The following CEP112 variants were observed in gnomAD, a reference collection of about 807,000 sequenced individuals.
The protein encoded by CEP112 is centrosomal protein 112.
A neutral mutation model predicts 153.0 loss-of-function variants in CEP112; 127 were observed. The ratio of observed to expected loss-of-function variants is 0.83; its 90% CI spans 0.72 to 0.96. The LOEUF (loss-of-function observed/expected upper bound fraction) is 0.96. CEP112 is among the 40% of genes least tolerant of loss of function. The pLI is 0.00. For missense variants in CEP112, 1,089 were observed against 1,101.2 expected (o/e 0.99, Z 0.16); for synonymous variants, 358 against 374.4 (o/e 0.96, Z 0.51).
intron 20 of CEP112, among the ~76,000 whole-genome samples, chr17:65,868,141 TTTTA>T (rs1199318713): frequency 4.6e-5 from 7 of 152,246 alleles, no homozygotes; most frequent in East Asian, 3.9e-4. Flanking sequence ...AACTTCAGAT[TTTTA>T]TTTGTCTAAA....
At chr17:66,137,123 C>A (rs1427010023) in intron 4 of CEP112, among the ~76,000 whole-genome samples, 1 of 151,848 alleles carries the variant, frequency 6.6e-6, no homozygotes, top group Non-Finnish European at 1.5e-5. Context: ...TATGCATAAA[C>A]AAAATGAGTA....
chr17:65,680,014 T>C (rs898004591), intron 24 of CEP112, among the ~76,000 whole-genome samples: 2 of 152,224 alleles, frequency 1.3e-5, no homozygotes, highest in Non-Finnish European at 2.9e-5. Context: ...AGTTCATCTA[T>C]AGAGAAAAAT....
intron 17 of CEP112, among the ~76,000 whole-genome samples, chr17:66,001,510 G>T (rs1310991859): frequency 6.6e-6 from 1 of 152,068 alleles, no homozygotes; most frequent in Non-Finnish European, 1.5e-5. Flanking sequence ...GAATGTTTAT[G>T]ACAATGCAAA....
intron 6 of CEP112, among the ~76,000 whole-genome samples, chr17:66,128,862 T>C (rs2069988618): frequency 6.6e-6 from 1 of 152,164 alleles, no homozygotes; most frequent in African/African-American, 2.4e-5. Context: ...ATAGCATTTA[T>C]AATAAATTTT....
chr17:66,091,871 A>C (rs2068144755), intron 8 of CEP112, among the ~76,000 whole-genome samples: 1 of 152,160 alleles, frequency 6.6e-6, no homozygotes, highest in South Asian at 2.1e-4. Flanking sequence ...CAGATATACA[A>C]AGGATCATGA....
intron 21 of CEP112, among the ~76,000 whole-genome samples, chr17:65,818,642 C>A (rs1444959080): frequency 2.0e-5 from 3 of 151,772 alleles, no homozygotes; most frequent in African/African-American, 4.8e-5. Flanking sequence ...TTGGGGACCC[C>A]CTTAGATGGT....
At chr17:65,688,884 C>T in intron 24 of CEP112, 1 of 327,750 alleles carries the variant, frequency 3.1e-6, no homozygotes, top group South Asian at 4.4e-5. Flanking sequence ...TCCCCTGCCT[C>T]AGCCTCCCAA....
At chr17:65,882,598 C>T (rs748277807) in intron 20 of CEP112, among the ~76,000 whole-genome samples, 1 of 152,182 alleles carries the variant, frequency 6.6e-6, no homozygotes, top group Non-Finnish European at 1.5e-5. Flanking sequence ...GATTAAGCAT[C>T]GGCACTTGGG....
chr17:65,744,040 G>C (rs967356659), intron 22 of CEP112, among the ~76,000 whole-genome samples: 1 of 152,158 alleles, frequency 6.6e-6, no homozygotes, highest in African/African-American at 2.4e-5. Context: ...TGGGATTACA[G>C]GCGTGAGCCA....
At chr17:65,735,517 G>A (rs2050747532) in intron 23 of CEP112, among the ~76,000 whole-genome samples, 1 of 152,156 alleles carries the variant, frequency 6.6e-6, no homozygotes, top group African/African-American at 2.4e-5. Flanking sequence ...TAAACCCAAT[G>A]TAAGTAGAAA....
intron 19 of CEP112, among the ~76,000 whole-genome samples, chr17:65,918,853 T>C (rs2060593900): frequency 6.6e-6 from 1 of 152,212 alleles, no homozygotes. Context: ...TTGGCTAAGA[T>C]ACTTTAAAAT....
At chr17:65,753,572 C>T (rs936269216) in intron 21 of CEP112, among the ~76,000 whole-genome samples, 1 of 152,088 alleles carries the variant, frequency 6.6e-6, no homozygotes, top group South Asian at 2.1e-4. Flanking sequence ...GACTTGACTC[C>T]AGCTCTATTA....
chr17:65,783,743 G>A (rs546574084), intron 21 of CEP112, among the ~76,000 whole-genome samples: 59 of 152,246 alleles, frequency 3.9e-4, no homozygotes, highest in Admixed American at 2.1e-3. Context: ...CCGTTCAGTT[G>A]ACAAAAATAA....
At chr17:66,014,091 C>T (rs2064663498) in intron 16 of CEP112, among the ~76,000 whole-genome samples, 2 of 152,224 alleles carry the variant, frequency 1.3e-5, no homozygotes, top group African/African-American at 4.8e-5. Flanking sequence ...ATCACTGCAC[C>T]AGCATGGAAG....
chr17:65,947,544 T>A (rs554031217), intron 18 of CEP112, among the ~76,000 whole-genome samples: 1 of 152,286 alleles, frequency 6.6e-6, no homozygotes, highest in South Asian at 2.1e-4. Flanking sequence ...TTTTGCTTAT[T>A]TTCTTTCTGC....
At chr17:66,151,520 G>C (rs959583338) in intron 4 of CEP112, among the ~76,000 whole-genome samples, 11 of 152,138 alleles carry the variant, frequency 7.2e-5, no homozygotes, top group African/African-American at 2.4e-4. Context: ...AACAGAATCC[G>C]ACAAAAGTGA....
At chr17:66,168,433 G>A (rs960228344) in intron 4 of CEP112, among the ~76,000 whole-genome samples, 2 of 146,990 alleles carry the variant, frequency 1.4e-5, no homozygotes, top group African/African-American at 5.0e-5. Flanking sequence ...GTATATATAT[G>A]TATATATATG....
chr17:65,981,490 G>A (rs1348235476), intron 17 of CEP112, among the ~76,000 whole-genome samples: 1 of 152,152 alleles, frequency 6.6e-6, no homozygotes, highest in Non-Finnish European at 1.5e-5. Context: ...TAACACACAG[G>A]CTTAAGTCCA....
At chr17:65,700,672 T>C (rs886909168) in intron 23 of CEP112, among the ~76,000 whole-genome samples, 6 of 152,150 alleles carry the variant, frequency 3.9e-5, no homozygotes, top group Non-Finnish European at 8.8e-5. Context: ...AGGAGGACTA[T>C]AGATTTTACC....
Sources: gnomAD v4.1 joint callset for allele counts (sites outside exome capture counted in the v4.1 genomes callset) on GRCh38, gnomAD v4.1.1 for gene constraint, MANE v1.5 for transcripts, NCBI Gene and HGNC (gene_info 2026-07-23, HGNC 2026-07-21) for gene names.